The following FCHO2 variants were observed in gnomAD, a reference collection of about 807,000 sequenced individuals.
FCHO2 encodes FCH and mu domain containing endocytic adaptor 2.
A neutral mutation model predicts 114.1 loss-of-function variants in FCHO2; 43 were observed. The observed-to-expected ratio is 0.38, with a 90% confidence interval of 0.30 to 0.49. The LOEUF is 0.49. Ranked by LOEUF, FCHO2 falls within the 20% of genes least tolerant of loss-of-function variation. The pLI, the probability that FCHO2 is intolerant of heterozygous loss-of-function variation, is 0.97. For missense variants in FCHO2, 807 were observed against 950.4 expected (o/e 0.85, Z 1.98); for synonymous variants, 293 against 315.2 (o/e 0.93, Z 0.75).
chr5:72,988,330 C>G (rs1026612420), intron 2 of FCHO2, among the ~76,000 whole-genome samples: 1 of 151,880 alleles, frequency 6.6e-6, no homozygotes, highest in African/African-American at 2.4e-5. Context: ...CCCAGCTACT[C>G]GGGAGGCTGA....
chr5:73,006,013 G>A (rs912170849), intron 5 of FCHO2, among the ~76,000 whole-genome samples: 4 of 152,136 alleles, frequency 2.6e-5, no homozygotes, highest in African/African-American at 9.7e-5. Context: ...TGAAATATAT[G>A]TATGCTGTGG....
chr5:72,974,427 T>C (rs1752744933), intron 2 of FCHO2, among the ~76,000 whole-genome samples: 1 of 149,386 alleles, frequency 6.7e-6, no homozygotes, highest in South Asian at 2.1e-4. Context: ...TTAACTCTTC[T>C]TGTTGAATTG....
At chr5:72,982,956 G>A (rs1001241063) in intron 2 of FCHO2, among the ~76,000 whole-genome samples, 8 of 149,890 alleles carry the variant, frequency 5.3e-5, no homozygotes, top group African/African-American at 2.0e-4. Context: ...CTCTGTCGCC[G>A]AGGCTGGAGT....
At chr5:73,002,532 G>A (rs1453944432) in intron 5 of FCHO2, among the ~76,000 whole-genome samples, 2 of 152,000 alleles carry the variant, frequency 1.3e-5, no homozygotes, top group African/African-American at 4.8e-5. Flanking sequence ...AATAATCATA[G>A]CAAAATATTA....
intron 8 of FCHO2, among the ~76,000 whole-genome samples, chr5:73,023,119 G>A (rs1219701012): frequency 6.6e-6 from 1 of 151,976 alleles, no homozygotes; most frequent in East Asian, 1.9e-4. Context: ...ATTCTGAAAG[G>A]GATAATGGAA....
intron 24 of FCHO2, among the ~76,000 whole-genome samples, chr5:73,084,643 T>G (rs1332293158): frequency 6.6e-6 from 1 of 152,230 alleles, no homozygotes; most frequent in East Asian, 1.9e-4. Context: ...TTGAATATTT[T>G]GAGCATAATA....
intron 5 of FCHO2, chr5:72,997,091 A>T: frequency 1.6e-6 from 2 of 1,220,210 alleles, no homozygotes; most frequent in Non-Finnish European, 2.4e-6. Flanking sequence ...CTAGGTGAAG[A>T]GGAAGATCAT....
intron 5 of FCHO2, among the ~76,000 whole-genome samples, chr5:73,004,669 A>C (rs1754620337): frequency 6.6e-6 from 1 of 152,136 alleles, no homozygotes; most frequent in Non-Finnish European, 1.5e-5. Flanking sequence ...CTTTTTAGTA[A>C]TGAGAGAACT....
chr5:73,045,350 C>T (rs1757005419), intron 11 of FCHO2, among the ~76,000 whole-genome samples: 1 of 152,134 alleles, frequency 6.6e-6, no homozygotes, highest in Non-Finnish European at 1.5e-5. Context: ...TGAAATCATA[C>T]AATATGTATG....
chr5:72,989,588 A>G (rs1269758983), intron 3 of FCHO2, 87 bp downstream of exon 3: 1 of 891,074 alleles, frequency 1.1e-6, no homozygotes, highest in African/African-American at 1.7e-5. Flanking sequence ...TAACAGTTCA[A>G]AAGCATAGTA....
At chr5:73,013,471 A>G (rs1048559722) in intron 6 of FCHO2, among the ~76,000 whole-genome samples, 1 of 152,260 alleles carries the variant, frequency 6.6e-6, no homozygotes, top group African/African-American at 2.4e-5. Context: ...TTTGTACAAT[A>G]GAAATGACAA....
At chr5:73,034,169 A>C (rs548047635) in intron 8 of FCHO2, among the ~76,000 whole-genome samples, 1 of 152,164 alleles carries the variant, frequency 6.6e-6, no homozygotes, top group Non-Finnish European at 1.5e-5. Flanking sequence ...CCAACTTATT[A>C]TTTACCTGGC....
At chr5:73,035,092 A>G (rs889305045) in intron 9 of FCHO2, among the ~76,000 whole-genome samples, 11 of 152,158 alleles carry the variant, frequency 7.2e-5, no homozygotes, top group African/African-American at 2.7e-4. Context: ...CTAATTGTAC[A>G]GTGGGTAACA....
At chr5:73,069,549 G>T (rs950756140) in intron 19 of FCHO2, among the ~76,000 whole-genome samples, 1 of 151,932 alleles carries the variant, frequency 6.6e-6, no homozygotes, top group African/African-American at 2.4e-5. Context: ...TAGGGTTCTC[G>T]CTCCTATGAG....
intron 20 of FCHO2, among the ~76,000 whole-genome samples, 185 bp downstream of exon 20, chr5:73,075,038 T>A (rs1742847013): frequency 1.3e-5 from 2 of 152,190 alleles, no homozygotes; most frequent in African/African-American, 4.8e-5. Context: ...CAATGTACAT[T>A]CATTCATCAA....
chr5:73,031,219 C>T lies in FCHO2; in HGVS notation c.797-3438C>T, dbSNP rs78198001. On this transcript the variant is annotated intron_variant, in intron 8 of 25. Transcript: ENST00000430046. ...AGCTTGAAAATGTAGTAATTGATTT[C>T]CATTGTTATGAGTCACAACTCTTTC... Among the ~76,000 whole-genome samples, 11 of 152,308 alleles carry T rather than the reference C, an allele frequency of 7.2e-5. No homozygotes were observed. In the East Asian group the frequency reaches 2.1e-3, roughly 29 times the overall value.
In FCHO2 at chr5:73,077,414, A is replaced by G; in HGVS notation, c.1768A>G (p.Thr590Ala). 1.3e-6 allele frequency: 2 copies of G among 1,596,196 alleles called. No homozygotes were observed. The highest frequency in any genetic ancestry group is 8.5e-7 in the Non-Finnish European group (1 of 1,170,694). The stretch of plus-strand genomic sequence containing the variant: ...TATTAAAGTCTTCACCAGCAATCCA[A>G]CTCCAGCTGTGTTGTGCTTCAGGGT... ...GIIKVFTSNP[T>A]PAVLCFRVKN... Residue 590 changes from threonine (T) to alanine (A), a missense_variant, in exon 21 of 26, where the codon ACT (threonine) becomes GCT (alanine). Transcript: ENST00000430046.
At chr5:72,979,537 GCCC>G (rs1753078497) in intron 2 of FCHO2, among the ~76,000 whole-genome samples, 3 of 149,630 alleles carry the variant, frequency 2.0e-5, no homozygotes, top group African/African-American at 7.4e-5. Flanking sequence ...GACTACAGGC[GCCC>G]GCTACCACGC....
At chr5:73,029,844 A>C (rs983024529) in intron 8 of FCHO2, among the ~76,000 whole-genome samples, 1 of 152,108 alleles carries the variant, frequency 6.6e-6, no homozygotes, top group African/African-American at 2.4e-5. Context: ...TAAGCCATTC[A>C]TGAAAGATCC....
Sources: allele counts gnomAD v4.1 joint callset (sites outside exome capture counted in the v4.1 genomes callset), GRCh38; gene constraint gnomAD v4.1.1; transcripts MANE v1.5; gene names NCBI Gene and HGNC (gene_info 2026-07-23, HGNC 2026-07-21).